The following PRDM6 variants were observed in gnomAD, a reference collection of about 807,000 sequenced individuals.
PRDM6 encodes the protein PR/SET domain 6, also known as putative histone-lysine N-methyltransferase PRDM6.
Under a neutral mutation model 60.8 loss-of-function variants are expected in PRDM6, and 25 were observed. The ratio of observed to expected loss-of-function variants is 0.41; its 90% CI spans 0.30 to 0.57. PRDM6 has a LOEUF of 0.57. Among genes scored for constraint, PRDM6 ranks in the 20% least tolerant of loss-of-function variants. The probability of loss-of-function intolerance (pLI) is 0.27; values close to 1 mark genes in which losing one functional copy is unlikely to be tolerated. For synonymous variants in PRDM6, 407 were observed against 357.4 expected, an observed-to-expected ratio of 1.14 and a Z score of -1.57; for missense variants, 839 against 821.3, an observed-to-expected ratio of 1.02 and a Z score of -0.26.
chr5:123,191,103 T>A lies in PRDM6; in HGVS notation c.*3902T>A, dbSNP rs142738181. On this transcript the variant is annotated 3_prime_UTR_variant, in exon 8 of 8. Coordinates refer to ENST00000407847, the MANE Select transcript of PRDM6 (RefSeq NM_001136239.4). ...GGTCTTGGGTTTTTATGACCCCCCC[T>A]TTCAATGATAAGGCAACAAGTTGGG... 2 of 152,308 alleles carry A rather than the reference T, an allele frequency of 1.3e-5. No homozygotes were observed. The highest frequency in any genetic ancestry group is 2.9e-5 in the Non-Finnish European group (2 of 68,040). 9.4% of individuals were successfully genotyped at this position (152,308 alleles called of 1,614,324 possible).
intron 3 of PRDM6, among the ~76,000 whole-genome samples, chr5:123,112,783 CTTTTTTTTTTTT>C (rs537426568): frequency 6.3e-5 from 3 of 47,510 alleles, no homozygotes; most frequent in African/African-American, 2.0e-4. Flanking sequence ...TCTAATGGCT[CTTTTTTTTTTTT>C]TTTTTTTTTT....
chr5:123,116,116 G>A (rs886388610), intron 3 of PRDM6, among the ~76,000 whole-genome samples: 1 of 152,154 alleles, frequency 6.6e-6, no homozygotes, highest in African/African-American at 2.4e-5. Context: ...AGTGAGATAG[G>A]GAAGCTGTGG....
intron 3 of PRDM6, among the ~76,000 whole-genome samples, chr5:123,150,492 AT>A (rs1765348812): frequency 6.6e-6 from 1 of 152,174 alleles, no homozygotes; most frequent in Non-Finnish European, 1.5e-5. Context: ...GCCAAGAATC[AT>A]TTTTTTGAGT....
chr5:123,130,564 G>T (rs1561836891), intron 3 of PRDM6, among the ~76,000 whole-genome samples: 2 of 144,978 alleles, frequency 1.4e-5, no homozygotes, highest in South Asian at 2.2e-4. Flanking sequence ...CATTTATTTA[G>T]TTTTTTTTTT....
chr5:123,111,534 T>A (rs1764311976), intron 3 of PRDM6, among the ~76,000 whole-genome samples: 1 of 152,074 alleles, frequency 6.6e-6, no homozygotes, highest in Non-Finnish European at 1.5e-5. Flanking sequence ...CCGTCTTTAC[T>A]AAAAATACAA....
intron 6 of PRDM6, 66 bp downstream of exon 6, chr5:123,171,174 A>G (rs1765883098): frequency 3.8e-6 from 5 of 1,311,368 alleles, no homozygotes; most frequent in Non-Finnish European, 5.2e-6. Context: ...CCTTCCCGCC[A>G]ACTTCTGAGC....
Position 123,155,910 on chromosome 5 carries a change from G to A in PRDM6, c.927G>A (p.Gln309=). 6.4e-7 allele frequency: 1 copy of A among 1,551,560 alleles called. No homozygotes were observed. The highest frequency in any genetic ancestry group is 8.7e-7 in the Non-Finnish European group (1 of 1,146,884). ...WEIYDQDGTL[Q]HFIDGGEPSK... The stretch of plus-strand genomic sequence containing the variant: ...TATATGACCAGGATGGGACACTACA[G>A]CACTTTATTGATGGTGGGGAACCTA... Residue 309 remains glutamine (Q), a synonymous_variant, in exon 4 of 8, where the codon CAG becomes CAA. Coordinates refer to ENST00000407847, the MANE Select transcript of PRDM6 (RefSeq NM_001136239.4).
chr5:123,188,754 C>T lies in PRDM6; in HGVS notation c.*1553C>T, dbSNP rs1038483198. On this transcript the variant is annotated 3_prime_UTR_variant, in exon 8 of 8. Transcript: ENST00000407847. ...AACTCACTACTAAAAGGCAAGGATA[C>T]TGTGTGGTTTAGTTTAATCTATTAT... 2.6e-5 allele frequency: 4 copies of T among 152,098 alleles called. No individual in the cohort carries two copies. The highest frequency in any genetic ancestry group is 5.9e-5 in the Non-Finnish European group (4 of 68,030). 9.4% of individuals were successfully genotyped at this position (152,098 alleles called of 1,614,324 possible).
chr5:123,154,998 T>C (rs962839649), intron 3 of PRDM6, among the ~76,000 whole-genome samples: 1 of 152,172 alleles, frequency 6.6e-6, no homozygotes, highest in Non-Finnish European at 1.5e-5. Flanking sequence ...GTGCCCTGAA[T>C]CTGAAGTCGT....
At chr5:123,114,394 T>C (rs1336279150) in intron 3 of PRDM6, among the ~76,000 whole-genome samples, 1 of 152,192 alleles carries the variant, frequency 6.6e-6, no homozygotes, top group South Asian at 2.1e-4. Context: ...TCTTTTACTA[T>C]TTTAGAGTCA....
chr5:123,142,186 C>G (rs1765120062), intron 3 of PRDM6, among the ~76,000 whole-genome samples: 2 of 152,118 alleles, frequency 1.3e-5, no homozygotes, highest in Admixed American at 6.5e-5. Context: ...CATTTTGACT[C>G]TTATCCTTCT....
intron 4 of PRDM6, among the ~76,000 whole-genome samples, chr5:123,156,259 C>T (rs143486783): frequency 6.6e-6 from 1 of 152,080 alleles, no homozygotes; most frequent in African/African-American, 2.4e-5. Flanking sequence ...TGAAGTTACT[C>T]CCACATCATT....
At chr5:123,127,725 T>C (rs1234429470) in intron 3 of PRDM6, among the ~76,000 whole-genome samples, 7 of 151,016 alleles carry the variant, frequency 4.6e-5, no homozygotes, top group Middle Eastern at 3.4e-3. Context: ...TCTTTCTTTC[T>C]TTCTTTCCTT....
At chr5:123,106,657 C>A (rs1182991833) in intron 3 of PRDM6, among the ~76,000 whole-genome samples, 1 of 152,160 alleles carries the variant, frequency 6.6e-6, no homozygotes, top group Non-Finnish European at 1.5e-5. Flanking sequence ...GTCACTAATG[C>A]GTGATTATGG....
chr5:123,171,222 C>A, intron 6 of PRDM6, 114 bp downstream of exon 6: 1 of 845,118 alleles, frequency 1.2e-6, no homozygotes, highest in Non-Finnish European at 1.8e-6. Flanking sequence ...GTGGTGTCTG[C>A]ATTCTGGAAG....
intron 3 of PRDM6, among the ~76,000 whole-genome samples, chr5:123,131,612 G>A (rs1407115265): frequency 6.6e-6 from 1 of 152,158 alleles, no homozygotes; most frequent in Non-Finnish European, 1.5e-5. Context: ...CATTTACTAT[G>A]TCAGAAACTG....
chr5:123,156,715 G>A (rs1282020380), intron 4 of PRDM6, among the ~76,000 whole-genome samples: 1 of 152,144 alleles, frequency 6.6e-6, no homozygotes, highest in Non-Finnish European at 1.5e-5. Flanking sequence ...ACATAGGGAG[G>A]CCTCTGGGGA....
At chr5:123,183,422 A>G (rs1766211082) in intron 7 of PRDM6, among the ~76,000 whole-genome samples, 1 of 152,182 alleles carries the variant, frequency 6.6e-6, no homozygotes, top group Non-Finnish European at 1.5e-5. Context: ...CTGCCATCCA[A>G]AGAAGGCTGC....
At chr5:123,167,476 G>T (rs921583317) in intron 5 of PRDM6, among the ~76,000 whole-genome samples, 2 of 151,288 alleles carry the variant, frequency 1.3e-5, no homozygotes, top group Admixed American at 1.3e-4. Context: ...CGCAACCTCT[G>T]CCTCCCAGGT....
Sources: gnomAD v4.1 joint callset for allele counts (sites outside exome capture counted in the v4.1 genomes callset) on GRCh38, gnomAD v4.1.1 for gene constraint, MANE v1.5 for transcripts, NCBI Gene and HGNC (gene_info 2026-07-23, HGNC 2026-07-21) for gene names.